The following PALLD variants were observed in gnomAD, a reference collection of about 807,000 sequenced individuals.
PALLD encodes the protein palladin, cytoskeletal associated protein, also known as palladin.
In PALLD, 61 loss-of-function variants were observed where a neutral mutation model predicts 123.5. The observed-to-expected ratio is 0.49, with a 90% CI of 0.40 to 0.61. The LOEUF (loss-of-function observed/expected upper bound fraction) is 0.61. Ranked by LOEUF, PALLD falls within the 20% of genes least tolerant of loss-of-function variation. The pLI is 0.00. For synonymous variants in PALLD, 465 were observed against 496.4 expected, an observed-to-expected ratio of 0.94 and a Z score of 0.84; for missense variants, 1,273 against 1,377.0, an observed-to-expected ratio of 0.92 and a Z score of 1.20.
At chr4:168,776,852 T>A (rs1413608512) in intron 10 of PALLD, among the ~76,000 whole-genome samples, 1 of 152,166 alleles carries the variant, frequency 6.6e-6, no homozygotes, top group Non-Finnish European at 1.5e-5. Flanking sequence ...TTACCTTTAT[T>A]GTTGTATTTG....
chr4:168,905,156 T>TG (rs1560895198), intron 15 of PALLD, among the ~76,000 whole-genome samples: 5 of 136,660 alleles, frequency 3.7e-5, no homozygotes, highest in African/African-American at 5.4e-5. Flanking sequence ...TTTTTTTTTT[T>TG]TTTTTTTTTT....
chr4:168,901,404 A>G lies in PALLD; in HGVS notation c.2473-2353A>G, dbSNP rs535242261. Among the ~76,000 whole-genome samples, 9 of 152,262 alleles carry G rather than the reference A, an allele frequency of 5.9e-5. No homozygotes were observed. The South Asian group carries it at 1.9e-3, about 32-fold the overall frequency. ...CTCCCTCCATTAGTACGCTTGGTAA[A>G]ATTTTGGAAATATTTCTTAGATCTT... On this transcript the variant is annotated intron_variant, in intron 14 of 21. Transcript: ENST00000505667.
In PALLD at chr4:168,786,283, G is replaced by A. The variant is rs144566940; in HGVS notation, c.1964+74360G>A. On this transcript the variant is annotated intron_variant, in intron 10 of 21. Coordinates refer to ENST00000505667, the MANE Select transcript of PALLD (RefSeq NM_001166108.2). ...GTAGAAGTTGCAGTGAGCCGAGATC[G>A]CACCACTGCACTCCAGCCTGGCAAC... Among the ~76,000 whole-genome samples the A allele has an allele frequency of 9.9e-3, 1,500 of 152,012 alleles. 20 individuals are homozygous for A. The highest frequency in any genetic ancestry group is 0.034 in the African/African-American group (1,411 of 41,460).
intron 18 of PALLD, among the ~76,000 whole-genome samples, chr4:168,924,033 T>TATCA (rs1204368492): frequency 2.0e-5 from 3 of 152,194 alleles, no homozygotes; most frequent in East Asian, 1.9e-4. Flanking sequence ...AGTGTGAGCC[T>TATCA]ATCAGACTTG....
intron 2 of PALLD, among the ~76,000 whole-genome samples, chr4:168,616,926 A>G (rs1774275461): frequency 6.6e-6 from 1 of 152,166 alleles, no homozygotes; most frequent in Non-Finnish European, 1.5e-5. Context: ...TTGGCCAGGC[A>G]CAACTCTCTT....
At position 168,803,929 on chromosome 4, in the gene PALLD, T is replaced by C. The variant is rs72988924; in HGVS notation, c.1965-86993T>C. Among the ~76,000 whole-genome samples the C allele has an allele frequency of 2.9e-3, 442 of 152,298 alleles. 1 individual carries two copies. Among genetic ancestry groups the C allele is most frequent in the African/African-American group, 0.01 (422 of 41,580 alleles). On this transcript the variant is annotated intron_variant, in intron 10 of 21. Transcript: ENST00000505667. ...GAGGGTTGCTTGTTTGGAGTTGTTT[T>C]TCCTGTGGCTAAAGGATTCCTGGGA...
intron 2 of PALLD, among the ~76,000 whole-genome samples, chr4:168,564,027 C>T (rs547699157): frequency 5.9e-5 from 9 of 152,326 alleles, no homozygotes; most frequent in African/African-American, 1.9e-4. Flanking sequence ...CTTCACCCTT[C>T]CCAGTCTCCA....
chr4:168,768,060 C>T (rs894330258), intron 10 of PALLD, among the ~76,000 whole-genome samples: 1 of 152,186 alleles, frequency 6.6e-6, no homozygotes, highest in Non-Finnish European at 1.5e-5. Context: ...CCTGTTCATC[C>T]TTCAAGACGT....
At chr4:168,500,755 A>G (rs1196908991) in intron 1 of PALLD, among the ~76,000 whole-genome samples, 1 of 152,160 alleles carries the variant, frequency 6.6e-6, no homozygotes, top group Admixed American at 6.5e-5. Flanking sequence ...ATCTATCCCC[A>G]AAAGTCAGCA....
At chr4:168,789,000 C>T (rs950123274) in intron 10 of PALLD, among the ~76,000 whole-genome samples, 16 of 152,092 alleles carry the variant, frequency 1.1e-4, no homozygotes, top group Non-Finnish European at 1.6e-4. Flanking sequence ...AACCAGAATC[C>T]TGACTTTCGT....
chr4:168,687,413 G>T (rs1405602005), intron 6 of PALLD, among the ~76,000 whole-genome samples: 2 of 152,176 alleles, frequency 1.3e-5, no homozygotes, highest in Non-Finnish European at 2.9e-5. Context: ...CAGAGGGGTG[G>T]ACACTCCACA....
chr4:168,646,285 G>A (rs996037240), intron 2 of PALLD, among the ~76,000 whole-genome samples: 1 of 152,174 alleles, frequency 6.6e-6, no homozygotes, highest in African/African-American at 2.4e-5. Context: ...TTCTAAGTGA[G>A]AACCTACCAA....
At chr4:168,617,653 A>G (rs1209784577) in intron 2 of PALLD, among the ~76,000 whole-genome samples, 2 of 152,182 alleles carry the variant, frequency 1.3e-5, no homozygotes, top group Non-Finnish European at 2.9e-5. Context: ...TTTCGTGTGC[A>G]TTTCAGTAAA....
chr4:168,870,452 T>C (rs981915597), intron 10 of PALLD, among the ~76,000 whole-genome samples: 14 of 152,254 alleles, frequency 9.2e-5, no homozygotes, highest in African/African-American at 3.4e-4. Context: ...ATTGTTTTTA[T>C]CTGCCTCTCG....
intron 10 of PALLD, among the ~76,000 whole-genome samples, chr4:168,866,281 A>G (rs1041425392): frequency 2.0e-5 from 3 of 152,194 alleles, no homozygotes; most frequent in Admixed American, 6.5e-5. Flanking sequence ...GAACAAACAC[A>G]TAAGTAAATA....
intron 10 of PALLD, among the ~76,000 whole-genome samples, chr4:168,808,798 A>G (rs1011342018): frequency 3.3e-5 from 5 of 152,172 alleles, no homozygotes; most frequent in African/African-American, 1.2e-4. Context: ...CTTATTCACT[A>G]CTACAATAAC....
At chr4:168,559,916 GAGAA>G in intron 2 of PALLD, among the ~76,000 whole-genome samples, 1 of 152,034 alleles carries the variant, frequency 6.6e-6, no homozygotes, top group Admixed American at 6.6e-5. Flanking sequence ...GAAAAAAAAA[GAGAA>G]AGAGAGAGAG....
At chr4:168,683,819 A>G (rs909357435) in intron 5 of PALLD, among the ~76,000 whole-genome samples, 1 of 152,180 alleles carries the variant, frequency 6.6e-6, no homozygotes, top group African/African-American at 2.4e-5. Context: ...TATGTCTTAT[A>G]AGTATCACCA....
intron 8 of PALLD, among the ~76,000 whole-genome samples, chr4:168,708,475 A>T (rs1784425755): frequency 6.6e-6 from 1 of 152,198 alleles, no homozygotes; most frequent in Non-Finnish European, 1.5e-5. Context: ...AGCTGTTTCG[A>T]GTCTGGGCTT....
Sources: allele counts gnomAD v4.1 joint callset (sites outside exome capture counted in the v4.1 genomes callset), GRCh38; gene constraint gnomAD v4.1.1; transcripts MANE v1.5; gene names NCBI Gene and HGNC (gene_info 2026-07-23, HGNC 2026-07-21).